Variants in KLF12 observed in about 807,000 individuals in gnomAD.
KLF12 encodes the protein Krueppel-like factor 12.
KLF12 carries 9 observed loss-of-function variants against 37.8 expected under a neutral mutation model. The observed-to-expected ratio is 0.24, with a 90% CI of 0.14 to 0.42. The LOEUF (loss-of-function observed/expected upper bound fraction) is 0.42, where lower values mean the gene tolerates loss of function less well. Among genes scored for constraint, KLF12 ranks in the 10% least tolerant of loss-of-function variants. KLF12 has a pLI of 1.00. For missense variants in KLF12, 411 were observed against 516.0 expected (o/e 0.80, Z 1.97); for synonymous variants, 208 against 202.1 (o/e 1.03, Z -0.25).
At chr13:74,248,177 C>A in the KLF12 span, among the ~76,000 whole-genome samples, 6 of 152,070 alleles carry the variant, frequency 3.9e-5, no homozygotes, top group Non-Finnish European at 7.4e-5. Flanking sequence ...TTTTGTACAT[C>A]CGTTTGTCAG....
chr13:73,847,237 G>A (rs1234111713), intron 3 of KLF12, among the ~76,000 whole-genome samples: 1 of 152,116 alleles, frequency 6.6e-6, no homozygotes, highest in Non-Finnish European at 1.5e-5. Context: ...TATTAGTGGT[G>A]TCAGTCTAGA....
chr13:74,207,393 C>T, the KLF12 span, among the ~76,000 whole-genome samples: 113 of 152,080 alleles, frequency 7.4e-4, no homozygotes, highest in Non-Finnish European at 1.3e-3. Context: ...AGTTTCAGGT[C>T]AGGTGGGCGA....
chr13:73,986,773 G>A (rs1283226427), intron 2 of KLF12, among the ~76,000 whole-genome samples: 1 of 152,136 alleles, frequency 6.6e-6, no homozygotes, highest in East Asian at 1.9e-4. Flanking sequence ...GCCCAAAGCT[G>A]CTGGAGTTGA....
intron 3 of KLF12, among the ~76,000 whole-genome samples, chr13:73,881,212 T>C (rs994888583): frequency 3.3e-5 from 5 of 152,176 alleles, no homozygotes; most frequent in Admixed American, 3.3e-4. Flanking sequence ...TAGATTTCAC[T>C]TTTATTTCTG....
chr13:74,004,086 A>C (rs1892352080), intron 1 of KLF12, among the ~76,000 whole-genome samples: 1 of 152,190 alleles, frequency 6.6e-6, no homozygotes, highest in Non-Finnish European at 1.5e-5. Flanking sequence ...TAAATATAGT[A>C]TCATTCAAAA....
intron 2 of KLF12, among the ~76,000 whole-genome samples, chr13:73,967,472 T>G (rs1049589510): frequency 2.0e-5 from 3 of 152,210 alleles, no homozygotes; most frequent in Non-Finnish European, 2.9e-5. Flanking sequence ...CCACTCCTGC[T>G]GAGACTCTCA....
At chr13:74,175,380 T>A in the KLF12 span, among the ~76,000 whole-genome samples, 4 of 152,354 alleles carry the variant, frequency 2.6e-5, no homozygotes, top group East Asian at 5.8e-4. Context: ...TTTGGAAATG[T>A]ACTATCCAAA....
chr13:73,938,913 T>C (rs1218220344), intron 3 of KLF12, among the ~76,000 whole-genome samples: 1 of 152,216 alleles, frequency 6.6e-6, no homozygotes, highest in Non-Finnish European at 1.5e-5. Context: ...TCTAGCTACA[T>C]GGCTATGGCA....
intron 3 of KLF12, among the ~76,000 whole-genome samples, chr13:73,855,005 A>G (rs963929731): frequency 6.6e-6 from 1 of 152,208 alleles, no homozygotes; most frequent in Non-Finnish European, 1.5e-5. Context: ...CCTCTCCTGG[A>G]AACAGAGGCA....
chr13:73,866,750 A>G (rs1029906286), intron 3 of KLF12, among the ~76,000 whole-genome samples: 2 of 152,178 alleles, frequency 1.3e-5, no homozygotes, highest in African/African-American at 2.4e-5. Flanking sequence ...ATATGGAAAT[A>G]CAAGAAAGAA....
chr13:74,192,062 A>G, the KLF12 span, among the ~76,000 whole-genome samples: 2 of 152,252 alleles, frequency 1.3e-5, no homozygotes, highest in South Asian at 4.1e-4. Context: ...TATTGTAACT[A>G]GGCCTTGTAA....
At chr13:73,706,621 T>C (rs1874968009) in intron 7 of KLF12, among the ~76,000 whole-genome samples, 1 of 152,240 alleles carries the variant, frequency 6.6e-6, no homozygotes, top group African/African-American at 2.4e-5. Flanking sequence ...GAGGTGGCAC[T>C]GAAACATGCT....
At chr13:73,941,910 T>A (rs1890203772) in intron 3 of KLF12, among the ~76,000 whole-genome samples, 1 of 151,956 alleles carries the variant, frequency 6.6e-6, no homozygotes. Context: ...AATACCAACA[T>A]CAGCTCCACT....
At chr13:74,051,909 T>C (rs904975357) in intron 1 of KLF12, among the ~76,000 whole-genome samples, 2 of 152,180 alleles carry the variant, frequency 1.3e-5, no homozygotes, top group African/African-American at 2.4e-5. Flanking sequence ...AAAGAAATTA[T>C]ACATGTTCGA....
intron 4 of KLF12, among the ~76,000 whole-genome samples, chr13:73,818,847 T>C (rs1883373831): frequency 6.6e-6 from 1 of 152,202 alleles, no homozygotes. Flanking sequence ...CTCCCTCTTT[T>C]AGCTACGGAC....
At chr13:74,075,425 G>A (rs1276045505) in intron 1 of KLF12, among the ~76,000 whole-genome samples, 1 of 152,150 alleles carries the variant, frequency 6.6e-6, no homozygotes, top group African/African-American at 2.4e-5. Context: ...AATCATACAG[G>A]AAACTTAAAT....
chr13:74,179,764 A>G, the KLF12 span, among the ~76,000 whole-genome samples: 16 of 152,272 alleles, frequency 1.1e-4, no homozygotes, highest in Non-Finnish European at 1.5e-4. Context: ...TCTTCTTTCT[A>G]TGAATGGATG....
chr13:73,876,026 A>G (rs1375936479), intron 3 of KLF12, among the ~76,000 whole-genome samples: 2 of 152,070 alleles, frequency 1.3e-5, no homozygotes, highest in Admixed American at 6.6e-5. Flanking sequence ...TTCTTGTATT[A>G]ATTTTCTATT....
At chr13:73,778,178 G>A (rs932600549) in intron 5 of KLF12, among the ~76,000 whole-genome samples, 1 of 151,828 alleles carries the variant, frequency 6.6e-6, no homozygotes, top group African/African-American at 2.4e-5. Context: ...CCATAATTTT[G>A]TATGTTAAGT....
Sources: allele counts gnomAD v4.1 joint callset (sites outside exome capture counted in the v4.1 genomes callset), GRCh38; gene constraint gnomAD v4.1.1; transcripts MANE v1.5; gene names NCBI Gene and HGNC (gene_info 2026-07-23, HGNC 2026-07-21).